Variants in ZNF462 observed in about 807,000 individuals in gnomAD.
The protein encoded by ZNF462 is zinc finger PBX1-interacting protein.
ZNF462 carries 10 observed loss-of-function variants against 201.9 expected under a neutral mutation model. The ratio of observed to expected loss-of-function variants is 0.05; its 90% CI spans 0.03 to 0.08. ZNF462 has a LOEUF of 0.08. Ranked by LOEUF, ZNF462 falls within the 10% of genes least tolerant of loss-of-function variation. The pLI, the probability that ZNF462 is intolerant of heterozygous loss-of-function variation, is 1.00. For missense variants in ZNF462, 2,523 were observed against 3,168.3 expected (o/e 0.80, Z 4.89); for synonymous variants, 1,227 against 1,193.3 (o/e 1.03, Z -0.58).
In ZNF462 at chr9:106,920,438, C is replaced by T. The variant is rs980142236; in HGVS notation, c.-30-2916C>T. Among the ~76,000 whole-genome samples, 2 of 152,202 alleles carry T rather than the reference C, an allele frequency of 1.3e-5. No homozygotes were observed. Among genetic ancestry groups the T allele is most frequent in the African/African-American group, 4.8e-5 (2 of 41,442 alleles). On this transcript the variant is annotated intron_variant, in intron 1 of 12. Transcript: ENST00000277225. The surrounding 1 kb of genome is among the most constrained non-coding windows in gnomAD (Gnocchi z 4.3). Reference sequence around the variant, plus strand: ...GGCTTTCAAAGTAGGCTACATCCTCCTTTCAGTACTTGGTGCAGACATGAA... The same window carrying T: ...GGCTTTCAAAGTAGGCTACATCCTCTTTTCAGTACTTGGTGCAGACATGAA...
At chr9:106,903,162 C>T (rs1588028034) in intron 1 of ZNF462, among the ~76,000 whole-genome samples, 1 of 152,038 alleles carries the variant, frequency 6.6e-6, no homozygotes, top group East Asian at 1.9e-4. Context: ...TTTTAAATTT[C>T]CATCTTGATG....
chr9:107,000,684 T>A (rs888537676), intron 10 of ZNF462, among the ~76,000 whole-genome samples: 2 of 152,188 alleles, frequency 1.3e-5, no homozygotes, highest in African/African-American at 4.8e-5. Context: ...TAGCCTGGGA[T>A]GAACATCATA....
intron 7 of ZNF462, among the ~76,000 whole-genome samples, chr9:106,960,562 C>T (rs1033496320): frequency 2.6e-5 from 4 of 152,092 alleles, no homozygotes; most frequent in East Asian, 3.9e-4. Context: ...TTCCTCATCA[C>T]ACAATTCAAA....
chr9:106,905,136 C>T lies in ZNF462; in HGVS notation c.-30-18218C>T, dbSNP rs898031129. Among the ~76,000 whole-genome samples, 1 of 152,130 alleles carries T rather than the reference C, an allele frequency of 6.6e-6. No individual in the cohort carries two copies. Among genetic ancestry groups the T allele is most frequent in the African/African-American group, 2.4e-5 (1 of 41,416 alleles). On this transcript the variant is annotated intron_variant, in intron 1 of 12. Transcript: ENST00000277225. This position sits in a 1 kb window ranked among gnomAD's most constrained non-coding sequence, Gnocchi z 5.9. ...GTGTTCCCTTGATGTGTAGTACTCTCCCCCTTTTCCTATGGATGTGGCTTC... is the reference window on the plus strand; with the variant it reads ...GTGTTCCCTTGATGTGTAGTACTCTTCCCCTTTTCCTATGGATGTGGCTTC...
intron 1 of ZNF462, among the ~76,000 whole-genome samples, chr9:106,887,064 C>G (rs1828351719): frequency 6.6e-6 from 1 of 152,058 alleles, no homozygotes; most frequent in Admixed American, 6.5e-5. Context: ...TGTTTTCAAA[C>G]AAAAAAGAGA....
chr9:106,866,495 G>C (rs139519699), intron 1 of ZNF462, among the ~76,000 whole-genome samples: 1 of 152,204 alleles, frequency 6.6e-6, no homozygotes, highest in African/African-American at 2.4e-5. Flanking sequence ...ATTGTCCATG[G>C]TCAATGAAGT....
intron 1 of ZNF462, among the ~76,000 whole-genome samples, chr9:106,892,028 A>G (rs928012711): frequency 2.6e-5 from 4 of 152,214 alleles, no homozygotes; most frequent in Non-Finnish European, 5.9e-5. Context: ...GCAATCAACA[A>G]TCTTTCTTTT....
rs1373170535 is a variant in ZNF462 at position 106,981,470 on chromosome 9, A to G, written c.6833-2716A>G. Among the ~76,000 whole-genome samples, 1 of 152,212 alleles carries G rather than the reference A, an allele frequency of 6.6e-6. No homozygotes were observed. The highest frequency in any genetic ancestry group is 1.5e-5 in the Non-Finnish European group (1 of 68,042). On this transcript the variant is annotated intron_variant, in intron 9 of 12. Coordinates refer to ENST00000277225, the MANE Select transcript of ZNF462 (RefSeq NM_021224.6). The surrounding 1 kb of genome is among the most constrained non-coding windows in gnomAD (Gnocchi z 4.0). ...CTTTGAGGAAGTAGCTTAATTGATC[A>G]GTTCTCGGTTTCCACATCAACAAAC...
chr9:106,929,876 A>G lies in ZNF462; in HGVS notation c.5847+117A>G. ...GCTTCCTAGTGACTTAGCTTGCCAG[A>G]GAGCTCAATAAGTCAATTAAACATT... On this transcript the variant is annotated intron_variant, in intron 3 of 12. Coordinates refer to ENST00000277225, the MANE Select transcript of ZNF462 (RefSeq NM_021224.6). The surrounding 1 kb of genome is among the most constrained non-coding windows in gnomAD (Gnocchi z 8.7). The G allele has an allele frequency of 2.3e-6, 2 of 885,068 alleles. No individual in the cohort carries two copies. The highest frequency in any genetic ancestry group is 2.6e-5 in the East Asian group (1 of 38,176). The allele number at this position is 885,068 out of a possible 1,614,324, so 54.8% of individuals were successfully genotyped here.
chr9:106,882,095 C>T (rs969940064), intron 1 of ZNF462, among the ~76,000 whole-genome samples: 11 of 152,148 alleles, frequency 7.2e-5, no homozygotes, highest in African/African-American at 2.2e-4. Flanking sequence ...GGTGTGCAGG[C>T]AGCCTTATTG....
rs1025164280 is a variant in ZNF462 at position 106,890,528 on chromosome 9, G to A, written c.-31+27173G>A. Among the ~76,000 whole-genome samples, 2 of 152,306 alleles carry A rather than the reference G, an allele frequency of 1.3e-5. No individual in the cohort carries two copies. The highest frequency in any genetic ancestry group is 4.8e-5 in the African/African-American group (2 of 41,562). ...CACAAACATGGTTTTACACTTGGAT[G>A]ATGTAGTTAGGCTCAACTCCATTTG... On this transcript the variant is annotated intron_variant, in intron 1 of 12. Coordinates refer to ENST00000277225, the MANE Select transcript of ZNF462 (RefSeq NM_021224.6). This position sits in a 1 kb window ranked among gnomAD's most constrained non-coding sequence, Gnocchi z 4.2.
chr9:106,942,597 A>C (rs1487048466), intron 7 of ZNF462, among the ~76,000 whole-genome samples: 1 of 152,238 alleles, frequency 6.6e-6, no homozygotes, highest in Non-Finnish European at 1.5e-5. Context: ...ACAAAGGGAA[A>C]TGCTCTGCTG....
rs777801175 is a variant in ZNF462 at position 106,929,350 on chromosome 9, A to G, written c.5438A>G (p.Asp1813Gly). Residue 1813 changes from aspartate to glycine, a missense_variant, in exon 3 of 13, where the codon GAT becomes GGT. By Grantham distance (94) the Asp-to-Gly change is moderately conservative. Around this residue, in one of 15 missense-constraint regions of ZNF462, gnomAD observed 207 missense variants for 231.6 expected, o/e 0.89. Transcript: ENST00000277225. This position sits in a 1 kb window ranked among gnomAD's most constrained non-coding sequence, Gnocchi z 8.7. ...LGGYFTAVYA[D>G]EHEKPTLMEE... ...GGCTACTTCACGGCCGTCTATGCAG[A>G]TGAGCATGAGAAGCCCACACTGATG... 6.2e-7 allele frequency: 1 copy of G among 1,614,198 alleles called. No individual in the cohort carries two copies. Among genetic ancestry groups the G allele is most frequent in the Non-Finnish European group, 8.5e-7 (1 of 1,180,054 alleles).
rs374074936 is a variant in ZNF462, at chr9:106,939,082, G to A, written c.6402G>A (p.Pro2134=). 3.9e-5 allele frequency: 62 copies of A among 1,608,550 alleles called. No homozygotes were observed. Among genetic ancestry groups the A allele is most frequent in the Middle Eastern group, 1.7e-4 (1 of 6,046 alleles). The part of the protein sequence containing the change: ...HSHHSSQKAT[P]AEEVEDSNDS... The stretch of plus-strand genomic sequence containing the variant: ...ACCACTCCTCCCAAAAAGCTACCCC[G>A]GCTGAAGAAGTGGAAGACTCCAATG... Residue 2134 remains proline, a synonymous_variant, in exon 7 of 13, where the codon CCG becomes CCA. Transcript: ENST00000277225.
intron 1 of ZNF462, among the ~76,000 whole-genome samples, chr9:106,922,795 A>G (rs912086421): frequency 5.9e-5 from 9 of 152,232 alleles, no homozygotes; most frequent in Admixed American, 4.6e-4. Flanking sequence ...CAATATCAGC[A>G]AAGTTATTAA....
chr9:106,990,670 A>G (rs1425746859), intron 10 of ZNF462, among the ~76,000 whole-genome samples: 2 of 151,922 alleles, frequency 1.3e-5, no homozygotes, highest in Non-Finnish European at 2.9e-5. Flanking sequence ...GTGAGCACCT[A>G]ATTGAAGCTA....
chr9:106,986,045 A>G (rs1029676292), intron 10 of ZNF462, among the ~76,000 whole-genome samples: 1 of 152,186 alleles, frequency 6.6e-6, no homozygotes, highest in African/African-American at 2.4e-5. Context: ...CATGTATCTT[A>G]TTTACGTAAC....
chr9:106,955,725 A>G (rs1156346984), intron 7 of ZNF462, among the ~76,000 whole-genome samples: 1 of 152,210 alleles, frequency 6.6e-6, no homozygotes, highest in Non-Finnish European at 1.5e-5. Context: ...TTTATGAAAT[A>G]TGCTAAATCC....
Position 106,974,321 on chromosome 9 carries a change from C to A in ZNF462, c.6832+48C>A. 1 of 1,613,592 alleles carries A rather than the reference C, an allele frequency of 6.2e-7. No individual in the cohort carries two copies. The highest frequency in any genetic ancestry group is 8.5e-7 in the Non-Finnish European group (1 of 1,179,560). ...CTTGGATGCAGCGGGGGGCAGGCAG[C>A]AGAGATGGCCTTCTAGGGATGCTCT... On this transcript the variant is annotated intron_variant, in intron 9 of 12. Transcript: ENST00000277225. The surrounding 1 kb of genome is among the most constrained non-coding windows in gnomAD (Gnocchi z 4.0).
Sources: gnomAD v4.1 joint callset for allele counts (sites outside exome capture counted in the v4.1 genomes callset) on GRCh38, gnomAD v4.1.1 for gene constraint, gnomAD v4.1.1 regional missense constraint, Gnocchi (gnomAD v3.1) non-coding constraint, MANE v1.5 for transcripts, NCBI Gene and HGNC (gene_info 2026-07-23, HGNC 2026-07-21) for gene names.